GNAL: variants seen among roughly 807,000 people sequenced by gnomAD.
GNAL encodes the protein G protein subunit alpha L.
Under a neutral mutation model 55.1 loss-of-function variants are expected in GNAL, and 18 were observed. The ratio of observed to expected loss-of-function variants is 0.33; its 90% CI spans 0.23 to 0.48. The LOEUF is 0.48. Ranked by LOEUF, GNAL falls within the 20% of genes least tolerant of loss-of-function variation. The pLI is 0.99. For synonymous variants in GNAL, 253 were observed against 237.0 expected (o/e 1.07, Z -0.62); for missense variants, 412 against 614.1 (o/e 0.67, Z 3.48).
At chr18:11,851,369 ACGTCAC>A in intron 5 of GNAL, 1 of 1,103,122 alleles carries the variant, frequency 9.1e-7, no homozygotes, top group Non-Finnish European at 1.2e-6. Context: ...CTGGGCTCTG[ACGTCAC>A]CACCTGCGCC....
chr18:11,852,956 C>CT (rs1451880389), intron 5 of GNAL: 2 of 167,008 alleles, frequency 1.2e-5, no homozygotes, highest in Non-Finnish European at 2.9e-5. Flanking sequence ...TGTTTCAACA[C>CT]TATTAGAAGT....
In GNAL at chr18:11,689,865, T is replaced by C. The variant is rs2031180814; in HGVS notation, c.302T>C (p.Val101Ala). The change falls in exon 1 of 12, where the codon GTG (valine) becomes GCG (alanine). Residue 101 changes from valine to alanine, a missense_variant. This residue lies in a region of GNAL where 228 missense variants were observed against 194.8 expected (regional missense o/e 1.17). Transcript: ENST00000334049. ...GAGGCGGTCAAGGAGGCGAGGAAAG[T>C]GAGCCGGGGCATCGACCGCATGCTG... is the stretch of plus-strand genomic sequence containing the variant. Reference protein sequence around the residue: ...EREAVKEARKVSRGIDRMLRD... With the variant: ...EREAVKEARKASRGIDRMLRD... 6.6e-7 allele frequency: 1 copy of C among 1,517,196 alleles called. No homozygotes were observed. 94.0% of individuals were successfully genotyped at this position (1,517,196 alleles called of 1,614,324 possible).
At chr18:11,795,034 C>G (rs1412350008) in intron 4 of GNAL, among the ~76,000 whole-genome samples, 2 of 151,976 alleles carry the variant, frequency 1.3e-5, no homozygotes, top group African/African-American at 4.8e-5. Flanking sequence ...GTAGAGACAG[C>G]GTTTTTCCAT....
chr18:11,689,822 G>GA lies in GNAL; in HGVS notation c.260dup (p.Ala88GlyfsTer42), dbSNP rs2031178707. The GA allele has an allele frequency of 1.3e-6, 2 of 1,537,702 alleles. No individual in the cohort carries two copies. Among genetic ancestry groups the GA allele is most frequent in the African/African-American group, 2.8e-5 (2 of 70,474 alleles). On this transcript the variant is annotated frameshift_variant, in exon 1 of 12. Coordinates refer to ENST00000334049, the MANE Select transcript of GNAL (RefSeq NM_182978.4). LOFTEE classifies it high-confidence loss of function. ...CGAGCAGCTGAGTGCCGAGGAGCGC[G>GA]AGGCGGCCAAGGAGCGCGAGGCGGT...
At chr18:11,789,308 G>A (rs2034164342) in intron 4 of GNAL, among the ~76,000 whole-genome samples, 1 of 152,142 alleles carries the variant, frequency 6.6e-6, no homozygotes. Flanking sequence ...AGATACTCAG[G>A]TATTTAAATC....
At chr18:11,846,405 T>TA (rs946961104) in intron 5 of GNAL, among the ~76,000 whole-genome samples, 7 of 148,008 alleles carry the variant, frequency 4.7e-5, no homozygotes, top group African/African-American at 1.5e-4. Context: ...CATCATTTTT[T>TA]TATATATAAA....
intron 4 of GNAL, among the ~76,000 whole-genome samples, chr18:11,791,655 C>T (rs373863338): frequency 2.0e-5 from 3 of 152,168 alleles, no homozygotes; most frequent in African/African-American, 7.2e-5. Context: ...TTAGGAAAGA[C>T]TTTATATTAG....
chr18:11,807,208 C>T (rs187864531), intron 4 of GNAL, among the ~76,000 whole-genome samples: 163 of 152,150 alleles, frequency 1.1e-3, no homozygotes, highest in Non-Finnish European at 6.5e-4. Context: ...TCTACATCCT[C>T]GCAAAGGACA....
chr18:11,741,845 G>A (rs867954135), intron 1 of GNAL, among the ~76,000 whole-genome samples: 1 of 152,126 alleles, frequency 6.6e-6, no homozygotes, highest in Non-Finnish European at 1.5e-5. Flanking sequence ...TGTGCATTTT[G>A]TTCTTTTTTA....
At chr18:11,821,632 C>T (rs1035856251) in intron 4 of GNAL, among the ~76,000 whole-genome samples, 1 of 152,238 alleles carries the variant, frequency 6.6e-6, no homozygotes, top group Non-Finnish European at 1.5e-5. Flanking sequence ...CAGCAGAAGC[C>T]GAAGCCTGAA....
rs143734471 is a variant in GNAL at position 11,737,857 on chromosome 18, G to A, written c.377-14996G>A. Among the ~76,000 whole-genome samples, 6 of 152,338 alleles carry A rather than the reference G, an allele frequency of 3.9e-5. No homozygotes were observed. In the East Asian group the frequency reaches 1.2e-3, roughly 29 times the overall value. Reference sequence around the variant, plus strand: ...GAAGAGAGCTTGATGACAGCATTCAGCCTGACATGGGGGAACGGGGGAAGG... The same window carrying A: ...GAAGAGAGCTTGATGACAGCATTCAACCTGACATGGGGGAACGGGGGAAGG... On this transcript the variant is annotated intron_variant, in intron 1 of 11. Coordinates refer to ENST00000334049, the MANE Select transcript of GNAL (RefSeq NM_182978.4).
intron 1 of GNAL, among the ~76,000 whole-genome samples, chr18:11,714,324 A>G (rs1330104235): frequency 6.6e-6 from 1 of 152,216 alleles, no homozygotes; most frequent in Non-Finnish European, 1.5e-5. Flanking sequence ...GAGGATTTTA[A>G]GAACTTTAAA....
chr18:11,748,786 A>G (rs1239871583), intron 1 of GNAL, among the ~76,000 whole-genome samples: 2 of 152,182 alleles, frequency 1.3e-5, no homozygotes, highest in Non-Finnish European at 2.9e-5. Context: ...AAATCCTTAT[A>G]AAAATCCCAC....
intron 7 of GNAL, among the ~76,000 whole-genome samples, chr18:11,865,161 G>A (rs183963184): frequency 2.7e-5 from 4 of 150,426 alleles, no homozygotes; most frequent in Admixed American, 6.6e-5. Context: ...CATTTCAGTC[G>A]CCCTTCTCAG....
intron 4 of GNAL, among the ~76,000 whole-genome samples, chr18:11,767,423 T>C (rs2033444542): frequency 6.6e-6 from 1 of 151,906 alleles, no homozygotes; most frequent in Admixed American, 6.6e-5. Context: ...CCCCTGCCGC[T>C]GTGCACCCTT....
chr18:11,730,407 G>A (rs895849160), intron 1 of GNAL, among the ~76,000 whole-genome samples: 1 of 151,876 alleles, frequency 6.6e-6, no homozygotes, highest in African/African-American at 2.4e-5. Flanking sequence ...TAATCTGCCT[G>A]CCTCGGCCTC....
intron 5 of GNAL, among the ~76,000 whole-genome samples, chr18:11,829,835 C>T (rs2035337635): frequency 6.6e-6 from 1 of 152,084 alleles, no homozygotes; most frequent in African/African-American, 2.4e-5. Flanking sequence ...CATGGTGAAA[C>T]CCCGTCTCTA....
chr18:11,740,586 G>A lies in GNAL; in HGVS notation c.377-12267G>A, dbSNP rs559297958. On this transcript the variant is annotated intron_variant, in intron 1 of 11. Transcript: ENST00000334049. ...AAATCATGAGCTCATACCAATTCTT[G>A]CAATTCCAGTCCATCCCCACAGGCC... Among the ~76,000 whole-genome samples the A allele has an allele frequency of 2.0e-5, 3 of 152,276 alleles. No homozygotes were observed. The East Asian group carries it at 5.8e-4, about 29-fold the overall frequency.
In GNAL at chr18:11,796,575, C is replaced by CAAAAAAAAAAAAAAA. The variant is rs760136358; in HGVS notation, c.625-28337_625-28323dup. ...GGTGACAGAGCGAGACTCCTTCTCA[C>CAAAAAAAAAAAAAAA]AAAAAAAAAAAAAAAAAAAACAAAA... On this transcript the variant is annotated intron_variant, in intron 4 of 11. Transcript: ENST00000334049. Among the ~76,000 whole-genome samples, 8 of 58,944 alleles carry CAAAAAAAAAAAAAAA rather than the reference C, an allele frequency of 1.4e-4. 2 individuals are homozygous for CAAAAAAAAAAAAAAA. The highest frequency in any genetic ancestry group is 1.4e-3 in the South Asian group (2 of 1,480). The allele number at this position is 58,944 out of a possible 152,430, so 38.7% of individuals were successfully genotyped here.
Sources: allele counts gnomAD v4.1 joint callset (sites outside exome capture counted in the v4.1 genomes callset), GRCh38; gene constraint gnomAD v4.1.1; regional missense constraint gnomAD v4.1.1; transcripts MANE v1.5; gene names NCBI Gene and HGNC (gene_info 2026-07-23, HGNC 2026-07-21).